Variants in STAT2 observed in about 807,000 individuals in gnomAD.
The protein encoded by STAT2 is interferon alpha induced transcriptional activator.
A neutral mutation model predicts 122.3 loss-of-function variants in STAT2; 51 were observed. The observed-to-expected ratio is 0.42, with a 90% CI of 0.33 to 0.53. The LOEUF (loss-of-function observed/expected upper bound fraction) is 0.53. Ranked by LOEUF, STAT2 falls within the 20% of genes least tolerant of loss-of-function variation. The probability of loss-of-function intolerance (pLI) is 0.10; values close to 1 mark genes in which losing one functional copy is unlikely to be tolerated. For synonymous variants in STAT2, 351 were observed against 394.9 expected (o/e 0.89, Z 1.32); for missense variants, 736 against 1,010.3 (o/e 0.73, Z 3.68).
chr12:56,354,037 ATAT>A lies in STAT2; in HGVS notation c.782+426_782+428del, dbSNP rs1565657709. Among the ~76,000 whole-genome samples, 26 of 86,968 alleles carry A rather than the reference ATAT, an allele frequency of 3.0e-4. 1 individual carries two copies. Among genetic ancestry groups the A allele is most frequent in the African/African-American group, 8.7e-4 (25 of 28,802 alleles). 57.1% of individuals were successfully genotyped at this position (86,968 alleles called of 152,430 possible). On this transcript the variant is annotated intron_variant, in intron 8 of 23. Transcript: ENST00000314128. ...AAAAAATATATATATATATATATATATATAAAAAATACTGTTAAGCTTAAAAAA... is the reference window on the plus strand; with the variant it reads ...AAAAAATATATATATATATATATATAAAAAAATACTGTTAAGCTTAAAAAA...
intron 13 of STAT2, 170 bp from the exon 14 acceptor site, chr12:56,349,806 T>G: frequency 1.1e-6 from 1 of 882,818 alleles, no homozygotes; most frequent in South Asian, 1.6e-5. Context: ...CCCAGCACTT[T>G]GGGAGGCTGA....
chr12:56,360,089 ATGGCTC>A lies in STAT2; in HGVS notation c.-45_-40del. 2.0e-6 allele frequency: 2 copies of A among 985,254 alleles called. No individual in the cohort carries two copies. The highest frequency in any genetic ancestry group is 2.4e-6 in the Non-Finnish European group (2 of 829,944). The allele number at this position is 985,254 out of a possible 1,614,324, so 61.0% of individuals were successfully genotyped here. A position where few individuals can be genotyped will look rare whatever the true frequency, so the allele number is the denominator to read the frequency against. ...AGGGTTGCAGTCCCCGCGCCCTCCA[ATGGCTC>A]TGGTCGCGACTTCCCGTCCCTAGTA... On this transcript the variant is annotated 5_prime_UTR_variant, in exon 1 of 24. Transcript: ENST00000314128.
chr12:56,352,371 T>TTTGTGG (rs1565655623), intron 8 of STAT2: 4 of 28,460 alleles, frequency 1.4e-4, no homozygotes, highest in Non-Finnish European at 2.7e-4. Context: ...TTTTTTTTTT[T>TTTGTGG]GGTGGGGGTG....
At position 56,348,977 on chromosome 12, in the gene STAT2, A is replaced by C; in HGVS notation, c.1523T>G (p.Val508Gly). Residue 508 changes from valine (V) to glycine (G), a missense_variant, in exon 17 of 24, where the codon GTT becomes GGT. Val to Gly is a moderately radical substitution (Grantham distance 109). Coordinates refer to ENST00000314128, the MANE Select transcript of STAT2 (RefSeq NM_005419.4). ...PALSWQFSSY[V>G]GRGLNSDQLS... is the part of the protein sequence containing the mutation. ...CTGGTCTGAGTTGAGGCCTCGGCCA[A>C]CATAGGAGGAGAACTGCCAACTGAG... 6.2e-7 allele frequency: 1 copy of C among 1,613,998 alleles called. No individual in the cohort carries two copies. The highest frequency in any genetic ancestry group is 8.5e-7 in the Non-Finnish European group (1 of 1,179,990).
rs1555169410 is a variant in STAT2 at position 56,345,524 on chromosome 12, A to AAAAATATATAT, written c.2102+621_2102+622insATATATATTTT. Among the ~76,000 whole-genome samples the AAAAATATATAT allele has an allele frequency of 7.6e-5, 2 of 26,248 alleles. 1 individual carries two copies. The highest frequency in any genetic ancestry group is 1.1e-3 in the African/African-American group (2 of 1,874). The allele number at this position is 26,248 out of a possible 152,430, so 17.2% of individuals were successfully genotyped here. On this transcript the variant is annotated intron_variant, in intron 22 of 23. Coordinates refer to ENST00000314128, the MANE Select transcript of STAT2 (RefSeq NM_005419.4). The stretch of plus-strand genomic sequence containing the variant: ...AAAAAAAAAAAAAAAAAAAAAAAAA[A>AAAAATATATAT]ATATATATATATGCGGGGTGTGGTG...
intron 2 of STAT2, 33 bp downstream of exon 2, chr12:56,356,408 T>C: frequency 6.2e-7 from 1 of 1,610,760 alleles, no homozygotes; most frequent in African/African-American, 1.3e-5. Context: ...AGGAACCACC[T>C]TTTTCATTCC....
At chr12:56,346,671 G>A in intron 20 of STAT2, 47 bp from the exon 21 acceptor site, 1 of 1,608,818 alleles carries the variant, frequency 6.2e-7, no homozygotes, top group Non-Finnish European at 8.5e-7. Flanking sequence ...AAGAGGCCGG[G>A]CCTTGGAGCT....
At position 56,348,784 on chromosome 12, in the gene STAT2, C is replaced by T; in HGVS notation, c.1597G>A (p.Asp533Asn). ...KLFGQNCRTE[D>N]PLLSWADFTK... ...AAGTCAGCCCAGGACAATAATGGAT[C>T]CTCAGTCCTACAGTTCTGCCCTGTG... Residue 533 changes from aspartate (D) to asparagine (N), a missense_variant, in exon 18 of 24, where the codon GAT becomes AAT. Physicochemically the swap from Asp to Asn is conservative, Grantham distance 23 (BLOSUM62 1). Coordinates refer to ENST00000314128, the MANE Select transcript of STAT2 (RefSeq NM_005419.4). The T allele has an allele frequency of 2.5e-6, 4 of 1,614,154 alleles. No homozygotes were observed. Among genetic ancestry groups the T allele is most frequent in the Non-Finnish European group, 3.4e-6 (4 of 1,180,034 alleles).
intron 1 of STAT2, among the ~76,000 whole-genome samples, chr12:56,359,815 T>A (rs1206021823): frequency 6.6e-6 from 1 of 152,182 alleles, no homozygotes; most frequent in Non-Finnish European, 1.5e-5. Flanking sequence ...CGAACCAACA[T>A]AACAATGCCA....
intron 22 of STAT2, among the ~76,000 whole-genome samples, chr12:56,344,998 A>G (rs1877141500): frequency 8.3e-6 from 1 of 120,536 alleles, no homozygotes; most frequent in African/African-American, 3.9e-5. Flanking sequence ...ACAGGGCGAG[A>G]CTCTGTCTCA....
At chr12:56,347,060 C>T (rs1262635336) in intron 19 of STAT2, 105 bp from the exon 20 acceptor site, 18 of 1,519,440 alleles carry the variant, frequency 1.2e-5, no homozygotes, top group Admixed American at 2.0e-5. Flanking sequence ...GTTTGGAATC[C>T]AGGCTTTGGA....
intron 22 of STAT2, among the ~76,000 whole-genome samples, chr12:56,345,524 A>AAAATATAT (rs1555169410): frequency 1.1e-4 from 3 of 26,248 alleles, no homozygotes; most frequent in African/African-American, 1.1e-3. Context: ...AAAAAAAAAA[A>AAAATATAT]ATATATATAT....
In STAT2 at chr12:56,343,278, T is replaced by TGG; in HGVS notation, c.*110_*111insCC. 6.7e-7 allele frequency: 1 copy of TGG among 1,485,314 alleles called. No individual in the cohort carries two copies. The allele number at this position is 1,485,314 out of a possible 1,614,324, so 92.0% of individuals were successfully genotyped here. A position where few individuals can be genotyped will look rare whatever the true frequency, so the allele number is the denominator to read the frequency against. ...TCACACAGGCCTGAGTTTGAACAGT[T>TGG]AACACAGCTTGGAAGGGACACATGC... On this transcript the variant is annotated 3_prime_UTR_variant, in exon 24 of 24. Transcript: ENST00000314128.
chr12:56,343,199 C>A lies in STAT2; in HGVS notation c.*190G>T. 1.4e-6 allele frequency: 1 copy of A among 697,552 alleles called. No homozygotes were observed. The allele number at this position is 697,552 out of a possible 1,614,324, so 43.2% of individuals were successfully genotyped here. ...CTATGGCTCAGCATCTGTTCTGATT[C>A]ATTGTTGTCCCCTCTGTACCCATGT... On this transcript the variant is annotated 3_prime_UTR_variant, in exon 24 of 24. Transcript: ENST00000314128.
At chr12:56,357,934 T>G (rs1879774383) in intron 1 of STAT2, among the ~76,000 whole-genome samples, 1 of 151,932 alleles carries the variant, frequency 6.6e-6, no homozygotes, top group Admixed American at 6.6e-5. Flanking sequence ...ACTCCTGAGC[T>G]CAAGTAATCC....
chr12:56,354,283 T>C, intron 8 of STAT2, 183 bp downstream of exon 8: 1 of 779,604 alleles, frequency 1.3e-6, no homozygotes, highest in Non-Finnish European at 1.9e-6. Context: ...TGAAGGAGAC[T>C]GGGCTCTGGG....
chr12:56,349,530 G>A (rs1011913444), intron 14 of STAT2, 21 bp from the exon 15 acceptor site: 2 of 1,614,166 alleles, frequency 1.2e-6, no homozygotes, highest in Admixed American at 3.3e-5. Context: ...CAAAGACATA[G>A]TCATCAGAAG....
At chr12:56,349,330 G>A in intron 15 of STAT2, 69 bp from the exon 16 acceptor site, 1 of 1,614,036 alleles carries the variant, frequency 6.2e-7, no homozygotes, top group Non-Finnish European at 8.5e-7. Flanking sequence ...TTAGAGGAAA[G>A]GAGTGCTAAC....
chr12:56,348,625 TGGA>T lies in STAT2; in HGVS notation c.1630-5_1630-3del, dbSNP rs768706080. On this transcript the variant is annotated splice_polypyrimidine_tract_variant and splice_region_variant and intron_variant, in intron 18 of 23. Transcript: ENST00000314128. ...TAACTTGCCAGGAGGGCTCTCTCGC[TGGA>T]GGAGGAATGGAAAGGTAGCAAAAGC... 1.2e-6 allele frequency: 2 copies of T among 1,614,160 alleles called. No individual in the cohort carries two copies. Among genetic ancestry groups the T allele is most frequent in the African/African-American group, 2.7e-5 (2 of 75,038 alleles).
Sources: allele counts gnomAD v4.1 joint callset (sites outside exome capture counted in the v4.1 genomes callset), GRCh38; gene constraint gnomAD v4.1.1; transcripts MANE v1.5; gene names NCBI Gene and HGNC (gene_info 2026-07-23, HGNC 2026-07-21).